POT1: variants seen among roughly 807,000 people sequenced by gnomAD.
The protein encoded by POT1 is protection of telomeres protein 1.
A neutral mutation model predicts 78.5 loss-of-function variants in POT1; 47 were observed. That is an observed-to-expected ratio of 0.60 (90% CI 0.47 to 0.76). The LOEUF is 0.76. Ranked by LOEUF, POT1 falls within the 30% of genes least tolerant of loss-of-function variation. The pLI is 0.00. For missense variants in POT1, 646 were observed against 749.9 expected (o/e 0.86, Z 1.62); for synonymous variants, 259 against 260.7 (o/e 0.99, Z 0.06).
chr7:124,868,367 A>G (rs2116558943), intron 7 of POT1, among the ~76,000 whole-genome samples: 1 of 152,310 alleles, frequency 6.6e-6, no homozygotes, highest in South Asian at 2.1e-4. Context: ...CACAATATAT[A>G]AAACATAAAA....
chr7:124,832,475 G>T (rs1794790729), intron 15 of POT1, among the ~76,000 whole-genome samples: 1 of 151,996 alleles, frequency 6.6e-6, no homozygotes, highest in South Asian at 2.1e-4. Flanking sequence ...CTTAAAATCT[G>T]GAGTGTGAAC....
At chr7:124,842,512 A>T (rs967460205) in intron 13 of POT1, among the ~76,000 whole-genome samples, 2 of 152,064 alleles carry the variant, frequency 1.3e-5, no homozygotes, top group Non-Finnish European at 2.9e-5. Context: ...ATTTCAGAAG[A>T]TACTTCTGTG....
chr7:124,830,287 T>C (rs2116425640), intron 15 of POT1, among the ~76,000 whole-genome samples: 1 of 152,256 alleles, frequency 6.6e-6, no homozygotes, highest in Admixed American at 6.5e-5. Context: ...TTATGCATCA[T>C]CATAATGTTT....
chr7:124,880,308 T>C (rs1796087283), intron 6 of POT1, among the ~76,000 whole-genome samples: 1 of 152,114 alleles, frequency 6.6e-6, no homozygotes, highest in South Asian at 2.1e-4. Flanking sequence ...AATTCTGTAT[T>C]ACGTCTCTCA....
intron 3 of POT1, among the ~76,000 whole-genome samples, chr7:124,914,336 A>T (rs568308364): frequency 6.6e-6 from 1 of 152,156 alleles, no homozygotes; most frequent in African/African-American, 2.4e-5. Context: ...TTGAAATTCC[A>T]TACAAATTTG....
chr7:124,920,759 C>G (rs1797129745), intron 2 of POT1, among the ~76,000 whole-genome samples: 1 of 151,864 alleles, frequency 6.6e-6, no homozygotes, highest in African/African-American at 2.4e-5. Context: ...CTAGTAGATA[C>G]TAATGTGTTC....
intron 12 of POT1, among the ~76,000 whole-genome samples, chr7:124,845,613 G>C (rs1391526301): frequency 2.0e-5 from 3 of 151,974 alleles, no homozygotes; most frequent in African/African-American, 7.3e-5. Flanking sequence ...GAATATACTA[G>C]AGAAAATGTA....
chr7:124,885,803 T>C (rs1398671237), intron 6 of POT1, among the ~76,000 whole-genome samples: 4 of 139,358 alleles, frequency 2.9e-5, no homozygotes, highest in South Asian at 2.3e-4. Context: ...AATAAAATCA[T>C]ATAAAATAAA....
chr7:124,844,651 C>T (rs1170964268), intron 12 of POT1, among the ~76,000 whole-genome samples: 4 of 142,468 alleles, frequency 2.8e-5, no homozygotes, highest in Non-Finnish European at 6.0e-5. Context: ...AGGAGAATGG[C>T]GTGAACCCGG....
At chr7:124,861,266 G>C (rs1322216654) in intron 8 of POT1, among the ~76,000 whole-genome samples, 7 of 152,106 alleles carry the variant, frequency 4.6e-5, no homozygotes, top group African/African-American at 1.4e-4. Context: ...TCTCCAGCAT[G>C]TTGTTTCCTG....
intron 6 of POT1, among the ~76,000 whole-genome samples, chr7:124,873,737 T>C (rs375917583): frequency 2.6e-5 from 4 of 152,188 alleles, no homozygotes; most frequent in East Asian, 1.9e-4. Flanking sequence ...AGAAAATGCA[T>C]TGACTTTCTG....
chr7:124,837,146 C>T (rs1046114807), intron 14 of POT1: 10 of 253,548 alleles, frequency 3.9e-5, no homozygotes, highest in Non-Finnish European at 7.1e-5. Flanking sequence ...ACCTTGAGTA[C>T]TTCACCATTT....
intron 6 of POT1, among the ~76,000 whole-genome samples, chr7:124,872,613 C>CT (rs1479826733): frequency 6.6e-6 from 1 of 152,114 alleles, no homozygotes; most frequent in Non-Finnish European, 1.5e-5. Context: ...AGTGCTTAAA[C>CT]TTTATCACAG....
At chr7:124,904,411 T>C (rs976326223) in intron 3 of POT1, among the ~76,000 whole-genome samples, 4 of 152,124 alleles carry the variant, frequency 2.6e-5, no homozygotes, top group African/African-American at 7.2e-5. Context: ...ATTATCTCAA[T>C]AGACGCAGAA....
chr7:124,828,943 T>A, intron 16 of POT1: 1 of 607,866 alleles, frequency 1.6e-6, no homozygotes, highest in South Asian at 1.4e-5. Context: ...AAACAACATC[T>A]GCAGCACAAT....
intron 6 of POT1, among the ~76,000 whole-genome samples, chr7:124,888,162 G>C (rs887258444): frequency 6.6e-6 from 1 of 152,016 alleles, no homozygotes; most frequent in Non-Finnish European, 1.5e-5. Flanking sequence ...AGGATCTAAG[G>C]ATCCAATTTC....
intron 3 of POT1, among the ~76,000 whole-genome samples, chr7:124,911,160 C>T (rs1267899327): frequency 1.3e-5 from 2 of 151,944 alleles, no homozygotes; most frequent in East Asian, 3.8e-4. Flanking sequence ...TTTAACTAAG[C>T]TGAAATAAAG....
chr7:124,823,492 T>C lies in POT1; in HGVS notation c.*470A>G, dbSNP rs936580651. The C allele has an allele frequency of 1.1e-4, 17 of 152,248 alleles. No homozygotes were observed. The highest frequency in any genetic ancestry group is 4.1e-4 in the African/African-American group (17 of 41,436). 9.4% of individuals were successfully genotyped at this position (152,248 alleles called of 1,614,324 possible). A position where few individuals can be genotyped will look rare whatever the true frequency, so the allele number is the denominator to read the frequency against. On this transcript the variant is annotated 3_prime_UTR_variant, in exon 19 of 19. Coordinates refer to ENST00000357628, the MANE Select transcript of POT1 (RefSeq NM_015450.3). The stretch of plus-strand genomic sequence containing the variant: ...AGCGGCATATTTTACATGAGACTAT[T>C]AGAAAAGGATAATATTAAGTCATTA...
intron 8 of POT1, among the ~76,000 whole-genome samples, chr7:124,860,278 T>C (rs1322879631): frequency 6.6e-6 from 1 of 152,060 alleles, no homozygotes; most frequent in East Asian, 1.9e-4. Flanking sequence ...AAATAGACCA[T>C]CATGAAATTC....
Sources: gnomAD v4.1 joint callset for allele counts (sites outside exome capture counted in the v4.1 genomes callset) on GRCh38, gnomAD v4.1.1 for gene constraint, MANE v1.5 for transcripts, NCBI Gene and HGNC (gene_info 2026-07-23, HGNC 2026-07-21) for gene names.